LCN15: variants seen among roughly 807,000 people sequenced by gnomAD.
The protein encoded by LCN15 is lipocalin-15.
A neutral mutation model predicts 23.1 loss-of-function variants in LCN15; 26 were observed. The ratio of observed to expected loss-of-function variants is 1.13; its 90% CI spans 0.82 to 1.56. The LOEUF (loss-of-function observed/expected upper bound fraction) is 1.56. Among genes scored for constraint, LCN15 ranks in the 40% most tolerant of loss-of-function variants. The pLI is 0.00. For synonymous variants in LCN15, 107 were observed against 98.3 expected (o/e 1.09, Z -0.52); for missense variants, 241 against 239.5 (o/e 1.01, Z -0.04).
At chr9:136,763,246 G>T in intron 4 of LCN15, 111 bp downstream of exon 4, 1 of 622,960 alleles carries the variant, frequency 1.6e-6, no homozygotes, top group Non-Finnish European at 2.7e-6. Context: ...GGCGGGGCCT[G>T]TGAGGAGGCG....
At chr9:136,762,153 G>A (rs1284584701) in intron 5 of LCN15, 35 bp downstream of exon 5, 2 of 1,285,574 alleles carry the variant, frequency 1.6e-6, no homozygotes, top group Non-Finnish European at 2.2e-6. Context: ...GGGAGAGGCT[G>A]GGGGGCATGG....
Position 136,763,998 on chromosome 9 carries a change from G to C in LCN15, c.108C>G (p.Leu36=), listed in dbSNP as rs749184035. The part of the protein sequence containing the change: ...PDFNAEKFSG[L]WYVVSMASDC... ...CAGATGCCATGGAGACCACGTACCA[G>C]AGGCCTGAGAACTGCCGGGGGCTTA... The change falls in exon 2 of 7, where the codon CTC becomes CTG. Residue 36 remains leucine, a synonymous_variant. Coordinates refer to ENST00000316144, the MANE Select transcript of LCN15 (RefSeq NM_203347.2). The C allele has an allele frequency of 8.1e-6, 13 of 1,612,918 alleles. No individual in the cohort carries two copies. The highest frequency in any genetic ancestry group is 1.1e-5 in the Non-Finnish European group (13 of 1,179,924).
Position 136,763,434 on chromosome 9 carries a change from G to A in LCN15, c.341C>T (p.Thr114Ile), listed in dbSNP as rs1235245188. 6.2e-7 allele frequency: 1 copy of A among 1,609,682 alleles called. No individual in the cohort carries two copies. Among genetic ancestry groups the A allele is most frequent in the Admixed American group, 1.7e-5 (1 of 59,674 alleles). The change falls in exon 4 of 7, where the codon ACA becomes ATA. Residue 114 changes from threonine to isoleucine, a missense_variant. Physicochemically the swap from Thr to Ile is moderately conservative, Grantham distance 89 (BLOSUM62 -1). Coordinates refer to ENST00000316144, the MANE Select transcript of LCN15 (RefSeq NM_203347.2). ...AAGGACGGCGAAGGAGCTGTAGTCTGTGTCCACGATGCGCACGTCCAGGTA... is the reference window on the plus strand; with the variant it reads ...AAGGACGGCGAAGGAGCTGTAGTCTATGTCCACGATGCGCACGTCCAGGTA... ...LGYLDVRIVDTDYSSFAVLYI... is the reference protein window; with the variant it reads ...LGYLDVRIVDIDYSSFAVLYI...
chr9:136,763,905 C>T lies in LCN15; in HGVS notation c.201G>A (p.Glu67=), dbSNP rs1847351211. ...SMSTRAIRPT[E]EGGLHVHMEF... ...CCATGTGGACGTGGAGGCCGCCCTC[C>T]TCTGTGGGCCTGATGGCCCTGGTGG... The change falls in exon 2 of 7, where the codon GAG becomes GAA. Residue 67 remains glutamate (E), a synonymous_variant. Transcript: ENST00000316144. The T allele has an allele frequency of 1.2e-6, 2 of 1,613,726 alleles. No homozygotes were observed. Among genetic ancestry groups the T allele is most frequent in the East Asian group, 2.2e-5 (1 of 44,892 alleles).
chr9:136,763,635 C>A, intron 3 of LCN15, 78 bp downstream of exon 3: 1 of 1,516,566 alleles, frequency 6.6e-7, no homozygotes, highest in South Asian at 1.2e-5. Flanking sequence ...AGCTTGGGCC[C>A]GGGTGGAAAG....
At chr9:136,760,501 A>T (rs989989077) in intron 6 of LCN15, among the ~76,000 whole-genome samples, 38 of 151,708 alleles carry the variant, frequency 2.5e-4, no homozygotes, top group African/African-American at 8.9e-4. Context: ...AGAGCCGCCC[A>T]CCTCCTCCCG....
chr9:136,763,717 G>C lies in LCN15; in HGVS notation c.303C>G (p.Val101=), dbSNP rs1347949954. 6.2e-7 allele frequency: 1 copy of C among 1,613,318 alleles called. No homozygotes were observed. Among genetic ancestry groups the C allele is most frequent in the Non-Finnish European group, 8.5e-7 (1 of 1,179,906 alleles). The change falls in exon 3 of 7, where the codon GTC becomes GTG. Residue 101 remains valine (V), a synonymous_variant. Transcript: ENST00000316144. ...LKVGSEGHFR[V]PALGYLDVRI... The stretch of plus-strand genomic sequence containing the variant: ...GGCAGAGGAGGCAGGACCTACCCGG[G>C]ACTCTGAAGTGTCCCTCGGAGCCCA...
chr9:136,760,009 C>G (rs762629444), intron 6 of LCN15, among the ~76,000 whole-genome samples: 1 of 152,252 alleles, frequency 6.6e-6, no homozygotes, highest in Non-Finnish European at 1.5e-5. Flanking sequence ...ACTTCCCCAC[C>G]TTCCCCGGCG....
At chr9:136,763,652 C>A (rs941879293) in intron 3 of LCN15, 61 bp downstream of exon 3, 75 of 1,575,526 alleles carry the variant, frequency 4.8e-5, no homozygotes, top group Middle Eastern at 4.2e-4. Context: ...AAAGTCAGCC[C>A]CACGTCACCC....
At chr9:136,763,833 CCAGCCCAGCCCAGG>C (rs1564336569) in intron 2 of LCN15, 23 bp downstream of exon 2, 12 of 1,613,154 alleles carry the variant, frequency 7.4e-6, no homozygotes, top group Non-Finnish European at 8.5e-6. Flanking sequence ...CCTCAGCTCC[CCAGCCCAGCCCAGG>C]CAGCCCAGCC....
intron 1 of LCN15, 149 bp downstream of exon 1, chr9:136,764,244 T>C: frequency 1.2e-6 from 1 of 864,424 alleles, no homozygotes; most frequent in Non-Finnish European, 1.8e-6. Flanking sequence ...CACAGGTTGG[T>C]TTAGGATTAA....
rs1027099306 is a variant in LCN15, at chr9:136,761,566, T to G, written c.*32+221A>C. On this transcript the variant is annotated intron_variant, in intron 6 of 6. Transcript: ENST00000316144. The surrounding 1 kb of genome is among the most constrained non-coding windows in gnomAD (Gnocchi z 4.2). ...ATGAGCCACTGCACCCGGCCAAACT[T>G]CTGCTGTTTTAAGTCGCCCCATTTG... Among the ~76,000 whole-genome samples, 2 of 152,190 alleles carry G rather than the reference T, an allele frequency of 1.3e-5. No individual in the cohort carries two copies. Among genetic ancestry groups the G allele is most frequent in the African/African-American group, 4.8e-5 (2 of 41,432 alleles).
chr9:136,764,055 G>A, intron 1 of LCN15, 46 bp from the exon 2 acceptor site: 1 of 1,598,592 alleles, frequency 6.3e-7, no homozygotes, highest in Non-Finnish European at 8.5e-7. Flanking sequence ...CCAGCAGCAG[G>A]GCCCTCCTTG....
chr9:136,761,900 C>G lies in LCN15; in HGVS notation c.521-47G>C, dbSNP rs1847321728. On this transcript the variant is annotated intron_variant, in intron 5 of 6. Transcript: ENST00000316144. The surrounding 1 kb of genome is among the most constrained non-coding windows in gnomAD (Gnocchi z 4.2). ...TGAGATGCTGACGGCCAGGACCGCC[C>G]TCGCTTCCCGCAGCCCCCAACCCCT... 1 of 1,320,410 alleles carries G rather than the reference C, an allele frequency of 7.6e-7. No individual in the cohort carries two copies. The highest frequency in any genetic ancestry group is 9.7e-7 in the Non-Finnish European group (1 of 1,031,876). The allele number at this position is 1,320,410 out of a possible 1,614,324, so 81.8% of individuals were successfully genotyped here. A position where few individuals can be genotyped will look rare whatever the true frequency, so the allele number is the denominator to read the frequency against.
Position 136,762,228 on chromosome 9 carries a change from C to A in LCN15, c.480G>T (p.Leu160=). The change falls in exon 5 of 7, where the codon CTG becomes CTT. Residue 160 remains leucine, a synonymous_variant. Transcript: ENST00000316144. The part of the protein sequence containing the change: ...LKSFQDFYPT[L]GLPKDMMVML... ...TGACCATCATGTCCTTGGGGAGCCC[C>A]AGGGTCGGGTAGAAGTCCTGGAAGG... The A allele has an allele frequency of 1.2e-6, 2 of 1,601,028 alleles. No individual in the cohort carries two copies.
rs1403293690 is a variant in LCN15, at chr9:136,764,386, CT to C, written c.96+6del. On this transcript the variant is annotated splice_donor_region_variant and intron_variant, in intron 1 of 6. Coordinates refer to ENST00000316144, the MANE Select transcript of LCN15 (RefSeq NM_203347.2). ...ACCCACCACAGGACAGCAGAGGCCC[CT>C]GGTACCTTTTCAGCATTGAAGTCAG... The C allele has an allele frequency of 6.2e-7, 1 of 1,612,350 alleles. No individual in the cohort carries two copies.
At chr9:136,760,325 T>C (rs7045986) in intron 6 of LCN15, among the ~76,000 whole-genome samples, 103,826 of 152,126 alleles carry the variant, frequency 0.68, 36,672 homozygotes, top group East Asian at 0.87. Flanking sequence ...CAGGGAGACG[T>C]TGGTGCAGAC....
Position 136,764,515 on chromosome 9 carries a change from T to C in LCN15, c.-27A>G, listed in dbSNP as rs1487201905. 2.5e-6 allele frequency: 4 copies of C among 1,587,722 alleles called. No homozygotes were observed. The African/African-American group carries it at 5.4e-5, about 21-fold the overall frequency. ...CCCTCCCCTGCCCTCCAGCCCCTGG[T>C]GCTGAGTCCCCAAGCCCCAGGGGGC... On this transcript the variant is annotated 5_prime_UTR_variant, in exon 1 of 7. Coordinates refer to ENST00000316144, the MANE Select transcript of LCN15 (RefSeq NM_203347.2).
At position 136,761,854 on chromosome 9, in the gene LCN15, C is replaced by T. The variant is rs758596042; in HGVS notation, c.521-1G>A. Reference sequence around the variant, plus strand: ...TCCTTGCTCTCAGGGTTGCATGCATCTGTGGGGAGGAAGACATCCGTGAGA... The same window carrying T: ...TCCTTGCTCTCAGGGTTGCATGCATTTGTGGGGAGGAAGACATCCGTGAGA... On this transcript the variant is annotated splice_acceptor_variant, in intron 5 of 6. Coordinates refer to ENST00000316144, the MANE Select transcript of LCN15 (RefSeq NM_203347.2). LOFTEE classifies it high-confidence loss of function. This position sits in a 1 kb window ranked among gnomAD's most constrained non-coding sequence, Gnocchi z 4.2. 1 of 1,335,052 alleles carries T rather than the reference C, an allele frequency of 7.5e-7. No individual in the cohort carries two copies. The highest frequency in any genetic ancestry group is 2.5e-5 in the South Asian group (1 of 39,278). The allele number at this position is 1,335,052 out of a possible 1,614,324, so 82.7% of individuals were successfully genotyped here. A position where few individuals can be genotyped will look rare whatever the true frequency, so the allele number is the denominator to read the frequency against.
Sources: gnomAD v4.1 joint callset for allele counts (sites outside exome capture counted in the v4.1 genomes callset) on GRCh38, gnomAD v4.1.1 for gene constraint, Gnocchi (gnomAD v3.1) non-coding constraint, MANE v1.5 for transcripts, NCBI Gene and HGNC (gene_info 2026-07-23, HGNC 2026-07-21) for gene names.